GRAMD1B: variants seen among roughly 807,000 people sequenced by gnomAD.
GRAMD1B encodes the protein protein Aster-B.
In GRAMD1B, 37 loss-of-function variants were observed where a neutral mutation model predicts 99.7. The ratio of observed to expected loss-of-function variants is 0.37; its 90% CI spans 0.29 to 0.49. GRAMD1B has a LOEUF of 0.49. Among genes scored for constraint, GRAMD1B ranks in the 20% least tolerant of loss-of-function variants. The probability of loss-of-function intolerance (pLI) is 0.98; values close to 1 mark genes in which losing one functional copy is unlikely to be tolerated. For missense variants in GRAMD1B, 888 were observed against 1,009.2 expected, an observed-to-expected ratio of 0.88 and a Z score of 1.63; for synonymous variants, 427 against 387.6, an observed-to-expected ratio of 1.10 and a Z score of -1.19.
At chr11:123,604,553 A>G (rs1952440868) in intron 9 of GRAMD1B, among the ~76,000 whole-genome samples, 2 of 152,358 alleles carry the variant, frequency 1.3e-5, no homozygotes, top group Admixed American at 6.5e-5. Context: ...TGCAAGAGGC[A>G]TACAGGGAAA....
At chr11:123,480,108 G>A (rs1951508905) in intron 1 of GRAMD1B, among the ~76,000 whole-genome samples, 1 of 152,140 alleles carries the variant, frequency 6.6e-6, no homozygotes, top group Admixed American at 6.5e-5. Context: ...AAGAGGAAAG[G>A]CCATTCTTTC....
intron 1 of GRAMD1B, among the ~76,000 whole-genome samples, chr11:123,364,531 T>C (rs975476740): frequency 2.0e-5 from 3 of 152,240 alleles, no homozygotes; most frequent in Non-Finnish European, 4.4e-5. Flanking sequence ...TTCTTTGTTC[T>C]TGCCTATCTG....
chr11:123,497,560 G>T (rs780388793), intron 2 of GRAMD1B, among the ~76,000 whole-genome samples: 1 of 152,178 alleles, frequency 6.6e-6, no homozygotes, highest in Non-Finnish European at 1.5e-5. Flanking sequence ...TAGAGCCAGG[G>T]ATTGAAGTAA....
intron 2 of GRAMD1B, among the ~76,000 whole-genome samples, chr11:123,544,206 C>T (rs377312432): frequency 1.3e-5 from 2 of 152,194 alleles, no homozygotes; most frequent in East Asian, 3.9e-4. Context: ...TGGCTAGTGC[C>T]CTAATAACAG....
At chr11:123,500,118 C>T (rs979325437) in intron 2 of GRAMD1B, among the ~76,000 whole-genome samples, 3 of 152,042 alleles carry the variant, frequency 2.0e-5, no homozygotes, top group Admixed American at 1.3e-4. Context: ...ACTTGAGGTT[C>T]GAGACTAGCC....
rs921722135 is a variant in GRAMD1B, at chr11:123,376,922, A to G, written c.-176+18123A>G. On this transcript the variant is annotated intron_variant, in intron 1 of 20. Coordinates refer to the GRAMD1B transcript ENST00000638157. ...AAACCTCAGTAACTGCTAGTTAACT[A>G]AAGTAACAGGTGTGAAATTAGTTCT... Among the ~76,000 whole-genome samples, 18 of 152,342 alleles carry G rather than the reference A, an allele frequency of 1.2e-4. No individual in the cohort carries two copies. In the East Asian group the frequency reaches 3.3e-3, roughly 28 times the overall value.
intron 2 of GRAMD1B, among the ~76,000 whole-genome samples, chr11:123,505,733 A>G (rs1940357957): frequency 6.6e-6 from 1 of 152,124 alleles, no homozygotes; most frequent in Non-Finnish European, 1.5e-5. Flanking sequence ...AGCTGCCTCT[A>G]GAAGTTGATG....
chr11:123,433,017 G>C (rs962445861), intron 1 of GRAMD1B, among the ~76,000 whole-genome samples: 1 of 152,142 alleles, frequency 6.6e-6, no homozygotes, highest in African/African-American at 2.4e-5. Flanking sequence ...TCACAGAGTA[G>C]AGGGAAATGG....
At chr11:123,536,435 A>AAAAAT (rs931620784) in intron 2 of GRAMD1B, among the ~76,000 whole-genome samples, 1 of 152,198 alleles carries the variant, frequency 6.6e-6, no homozygotes, top group Non-Finnish European at 1.5e-5. Flanking sequence ...TAAATAAATG[A>AAAAAT]AAAATAAAAT....
intron 7 of GRAMD1B, chr11:123,598,505 C>T: frequency 7.7e-7 from 1 of 1,305,836 alleles, no homozygotes; most frequent in South Asian, 1.2e-5. Context: ...TGTCTTTGTT[C>T]CTCTCAGTGT....
intron 1 of GRAMD1B, among the ~76,000 whole-genome samples, chr11:123,416,226 G>A (rs76119960): frequency 0.021 from 3,225 of 152,274 alleles, 60 homozygotes; most frequent in Middle Eastern, 0.031. Context: ...GAAAGGTGTA[G>A]AAAGATCCCC....
chr11:123,389,967 G>A (rs765446622), intron 1 of GRAMD1B, among the ~76,000 whole-genome samples: 1 of 152,038 alleles, frequency 6.6e-6, no homozygotes, highest in Non-Finnish European at 1.5e-5. Context: ...ATGTTGGCCA[G>A]GCTGGTCTCA....
intron 2 of GRAMD1B, among the ~76,000 whole-genome samples, chr11:123,513,515 T>TTCC (rs1941255223): frequency 6.9e-6 from 1 of 144,836 alleles, no homozygotes; most frequent in Non-Finnish European, 1.5e-5. Context: ...TCTTTCTTTC[T>TTCC]TTCCTTCCTT....
At chr11:123,414,989 A>T (rs1948177768) in intron 1 of GRAMD1B, among the ~76,000 whole-genome samples, 1 of 151,638 alleles carries the variant, frequency 6.6e-6, no homozygotes, top group Non-Finnish European at 1.5e-5. Flanking sequence ...GCTAAAACAC[A>T]TTCAGAATGG....
chr11:123,615,558 G>A (rs1275065), intron 17 of GRAMD1B, among the ~76,000 whole-genome samples: 50,877 of 152,082 alleles, frequency 0.33, 9,850 homozygotes, highest in South Asian at 0.5. Context: ...GGTGGCAGGC[G>A]CCTGTAGTCC....
intron 1 of GRAMD1B, among the ~76,000 whole-genome samples, chr11:123,383,687 T>C (rs1021426102): frequency 6.6e-6 from 1 of 152,032 alleles, no homozygotes; most frequent in Non-Finnish European, 1.5e-5. Context: ...GTCTTTCGTT[T>C]TTATTTCTTA....
At chr11:123,578,464 C>CCCT in intron 3 of GRAMD1B, 1 of 1,474,728 alleles carries the variant, frequency 6.8e-7, no homozygotes, top group Admixed American at 2.0e-5. Flanking sequence ...CTTTTATCTC[C>CCCT]CCTCTAGTGT....
intron 2 of GRAMD1B, among the ~76,000 whole-genome samples, chr11:123,558,073 T>C (rs1320573337): frequency 6.8e-6 from 1 of 146,254 alleles, no homozygotes; most frequent in Non-Finnish European, 1.5e-5. Flanking sequence ...AACCTCTGCC[T>C]CCTAGGTTCA....
At chr11:123,524,907 A>G (rs1942553029) in intron 2 of GRAMD1B, among the ~76,000 whole-genome samples, 1 of 151,968 alleles carries the variant, frequency 6.6e-6, no homozygotes, top group South Asian at 2.1e-4. Flanking sequence ...GAAAGGGATC[A>G]TATAGCCAGG....
Sources: allele counts gnomAD v4.1 joint callset (sites outside exome capture counted in the v4.1 genomes callset), GRCh38; gene constraint gnomAD v4.1.1; transcripts MANE v1.5; gene names NCBI Gene and HGNC (gene_info 2026-07-23, HGNC 2026-07-21).